Variants in TECPR1 observed in about 807,000 individuals in gnomAD.
TECPR1 encodes the protein tectonin beta-propeller repeat containing 1.
A neutral mutation model predicts 162.4 loss-of-function variants in TECPR1; 122 were observed. That is an observed-to-expected ratio of 0.75 (90% CI 0.65 to 0.87). The LOEUF (loss-of-function observed/expected upper bound fraction) is 0.87. Ranked by LOEUF, TECPR1 falls within the 40% of genes least tolerant of loss-of-function variation. The pLI, the probability that TECPR1 is intolerant of heterozygous loss-of-function variation, is 0.00. For missense variants in TECPR1, 1,432 were observed against 1,618.2 expected (o/e 0.88, Z 1.97); for synonymous variants, 642 against 670.6 (o/e 0.96, Z 0.66).
intron 11 of TECPR1, 86 bp from the exon 12 acceptor site, chr7:98,233,058 A>T: frequency 1.4e-6 from 2 of 1,431,728 alleles, no homozygotes; most frequent in Admixed American, 2.3e-5. Flanking sequence ...CCACCAAATC[A>T]GCCCTTTCTA....
At chr7:98,240,087 T>C (rs1354930396) in intron 8 of TECPR1, among the ~76,000 whole-genome samples, 4 of 151,802 alleles carry the variant, frequency 2.6e-5, no homozygotes, top group Admixed American at 1.3e-4. Flanking sequence ...CCAGCCTGGG[T>C]GACAGAGCGA....
chr7:98,242,976 ACCCATCCATCCATCCACC>A (rs1562943896), intron 6 of TECPR1, among the ~76,000 whole-genome samples: 2 of 8,346 alleles, frequency 2.4e-4, no homozygotes, highest in African/African-American at 4.1e-4. Context: ...ATCCACCCAC[ACCCATCCATCCATCCACC>A]CACCCATCCA....
At position 98,231,331 on chromosome 7, in the gene TECPR1, C is replaced by G. The variant is rs1345181504; in HGVS notation, c.2017G>C (p.Val673Leu). 1 of 1,610,622 alleles carries G rather than the reference C, an allele frequency of 6.2e-7. No individual in the cohort carries two copies. The highest frequency in any genetic ancestry group is 8.5e-7 in the Non-Finnish European group (1 of 1,178,536). Residue 673 changes from valine (V) to leucine (L), a missense_variant, in exon 14 of 26, where the codon GTG (valine) becomes CTG (leucine). Coordinates refer to ENST00000447648, the MANE Select transcript of TECPR1 (RefSeq NM_015395.3). ...FLNEVVALVP[V>L]LNETKHSFAL... Reference sequence around the variant, plus strand: ...AAGGAGTGCTTGGTCTCGTTCAGCACTGGGACCAGCGCCACCACCTCATTC... The same window carrying G: ...AAGGAGTGCTTGGTCTCGTTCAGCAGTGGGACCAGCGCCACCACCTCATTC...
intron 18 of TECPR1, 25 bp downstream of exon 18, chr7:98,224,981 C>T (rs951383376): frequency 6.5e-6 from 10 of 1,539,272 alleles, no homozygotes; most frequent in African/African-American, 2.8e-5. Flanking sequence ...GATTCCCAAC[C>T]CCCCAGGGGG....
Position 98,233,003 on chromosome 7 carries a change from G to A in TECPR1, c.1673-31C>T. 3 of 1,583,812 alleles carry A rather than the reference G, an allele frequency of 1.9e-6. No individual in the cohort carries two copies. The Admixed American group carries it at 5.3e-5, about 28-fold the overall frequency. On this transcript the variant is annotated intron_variant, in intron 11 of 25. Transcript: ENST00000447648. ...GGGCAGAGAGAGCCTCAGGGCCGGG[G>A]CACTGTCCTGCCCGCAGCTGGGCAG... is the stretch of plus-strand genomic sequence containing the variant.
chr7:98,244,514 A>G (rs1448184776), intron 5 of TECPR1, 57 bp downstream of exon 5: 1 of 1,542,886 alleles, frequency 6.5e-7, no homozygotes, highest in African/African-American at 1.4e-5. Flanking sequence ...AGGAGGCTGC[A>G]TGTGACACTC....
At chr7:98,234,523 G>A (rs993881405) in intron 10 of TECPR1, among the ~76,000 whole-genome samples, 1 of 152,000 alleles carries the variant, frequency 6.6e-6, no homozygotes, top group African/African-American at 2.4e-5. Context: ...GGACTAAAAC[G>A]CGTTTTCAAG....
At position 98,232,069 on chromosome 7, in the gene TECPR1, C is replaced by T; in HGVS notation, c.1819-110G>A. On this transcript the variant is annotated intron_variant, in intron 12 of 25. Transcript: ENST00000447648. This position sits in a 1 kb window ranked among gnomAD's most constrained non-coding sequence, Gnocchi z 4.6. Reference sequence around the variant, plus strand: ...GGAGGCAGGGCTGGGGTAGGGCCCACCCAGCACTCCCGGCTGTCAGCCCAG... The same window carrying T: ...GGAGGCAGGGCTGGGGTAGGGCCCATCCAGCACTCCCGGCTGTCAGCCCAG... The T allele has an allele frequency of 2.6e-6, 3 of 1,175,748 alleles. No homozygotes were observed. The highest frequency in any genetic ancestry group is 3.6e-6 in the Non-Finnish European group (3 of 840,794). The allele number at this position is 1,175,748 out of a possible 1,614,324, so 72.8% of individuals were successfully genotyped here.
chr7:98,246,123 C>G lies in TECPR1; in HGVS notation c.24G>C (p.Ala8=). The change falls in exon 3 of 26, where the codon GCG becomes GCC. Residue 8 remains alanine, a synonymous_variant. Coordinates refer to ENST00000447648, the MANE Select transcript of TECPR1 (RefSeq NM_015395.3). MPNSVLW[A]VDLFGRVYTL... Reference sequence around the variant, plus strand: ...TGTACACTCTCCCGAAGAGGTCCACCGCCCACAGCACTGAGTTGGGCATGG... The same window carrying G: ...TGTACACTCTCCCGAAGAGGTCCACGGCCCACAGCACTGAGTTGGGCATGG... 1 of 1,550,960 alleles carries G rather than the reference C, an allele frequency of 6.4e-7. No individual in the cohort carries two copies. Among genetic ancestry groups the G allele is most frequent in the Non-Finnish European group, 8.7e-7 (1 of 1,147,920 alleles).
chr7:98,226,137 C>T (rs1232547961), intron 17 of TECPR1, among the ~76,000 whole-genome samples: 1 of 152,192 alleles, frequency 6.6e-6, no homozygotes, highest in African/African-American at 2.4e-5. Context: ...CTGCCCTGCC[C>T]TGCCCTGTCC....
chr7:98,222,933 C>A (rs1243760610), intron 21 of TECPR1, 57 bp downstream of exon 21: 10 of 1,587,254 alleles, frequency 6.3e-6, no homozygotes, highest in Non-Finnish European at 8.6e-6. Flanking sequence ...TGAGCCCTGC[C>A]GGACTCCAGA....
chr7:98,233,082 GCTCT>G, intron 11 of TECPR1, 110 bp from the exon 12 acceptor site: 1 of 1,309,678 alleles, frequency 7.6e-7, no homozygotes, highest in East Asian at 2.4e-5. Flanking sequence ...CAAAAGCTAC[GCTCT>G]CTGTTAAGCC....
At chr7:98,219,149 T>C (rs111235498) in intron 23 of TECPR1, among the ~76,000 whole-genome samples, 1,811 of 152,288 alleles carry the variant, frequency 0.012, 41 homozygotes, top group African/African-American at 0.041. Flanking sequence ...AAGGACACTT[T>C]ATACAATAAA....
intron 2 of TECPR1, among the ~76,000 whole-genome samples, chr7:98,247,734 A>C (rs199748891): frequency 2.1e-4 from 31 of 149,142 alleles, no homozygotes; most frequent in African/African-American, 7.7e-4. Flanking sequence ...TTTCTTTTTT[A>C]TTTTTTAAGA....
At chr7:98,229,634 G>A (rs923932368) in intron 15 of TECPR1, among the ~76,000 whole-genome samples, 2 of 150,560 alleles carry the variant, frequency 1.3e-5, no homozygotes, top group African/African-American at 2.4e-5. Flanking sequence ...GGGTGTCAGC[G>A]GGAGGCGGTG....
At chr7:98,230,914 G>A (rs754235965) in intron 15 of TECPR1, 47 bp downstream of exon 15, 117 of 1,575,788 alleles carry the variant, frequency 7.4e-5, no homozygotes, top group Non-Finnish European at 9.2e-5. Flanking sequence ...CCACGAGCTC[G>A]GGGTGAGGCC....
At chr7:98,223,582 G>T in intron 20 of TECPR1, 80 bp downstream of exon 20, 2 of 1,485,878 alleles carry the variant, frequency 1.3e-6, no homozygotes, top group South Asian at 2.3e-5. Flanking sequence ...TCTGGCCCGG[G>T]GTGCAGGGAA....
intron 16 of TECPR1, 145 bp from the exon 17 acceptor site, chr7:98,228,261 G>A (rs1798329791): frequency 1.5e-6 from 1 of 675,174 alleles, no homozygotes; most frequent in Non-Finnish European, 2.7e-6. Context: ...GTCCTGTTGA[G>A]CTTATCGCAC....
rs1349924337 is a variant in TECPR1 at position 98,241,321 on chromosome 7, G to A, written c.658-77C>T. 1 of 1,566,200 alleles carries A rather than the reference G, an allele frequency of 6.4e-7. No individual in the cohort carries two copies. The highest frequency in any genetic ancestry group is 1.3e-5 in the African/African-American group (1 of 74,188). ...CAAGCACGGGGGTCTCGGTGTGGTA[G>A]GGGGTAGGACCCATGTCCCCTGACC... On this transcript the variant is annotated intron_variant, in intron 6 of 25. Transcript: ENST00000447648. This position sits in a 1 kb window ranked among gnomAD's most constrained non-coding sequence, Gnocchi z 5.0.
Sources: gnomAD v4.1 joint callset for allele counts (sites outside exome capture counted in the v4.1 genomes callset) on GRCh38, gnomAD v4.1.1 for gene constraint, Gnocchi (gnomAD v3.1) non-coding constraint, MANE v1.5 for transcripts, NCBI Gene and HGNC (gene_info 2026-07-23, HGNC 2026-07-21) for gene names.